Variants in RHBDD1 observed in about 807,000 individuals in gnomAD.
RHBDD1 encodes rhomboid-related protein 4.
A neutral mutation model predicts 36.3 loss-of-function variants in RHBDD1; 38 were observed. The ratio of observed to expected loss-of-function variants is 1.05; its 90% confidence interval spans 0.81 to 1.37. The LOEUF is 1.37. RHBDD1 is among the 40% of genes most tolerant of loss of function. The pLI is 0.00. For synonymous variants in RHBDD1, 151 were observed against 136.5 expected (o/e 1.11, Z -0.74); for missense variants, 393 against 377.6 (o/e 1.04, Z -0.34).
At chr2:226,833,622 T>C (rs149388576), upstream of RHBDD1, among the ~76,000 whole-genome samples, 2 of 152,350 alleles carry the variant, frequency 1.3e-5, no homozygotes, top group African/African-American at 4.8e-5. Context: ...TTATGCACAA[T>C]GTGCATAGTG....
At chr2:226,819,608 T>C in the RHBDD1 span, among the ~76,000 whole-genome samples, 2 of 152,170 alleles carry the variant, frequency 1.3e-5, no homozygotes, top group African/African-American at 4.8e-5. Context: ...TACTTTCTGT[T>C]TAATTTTGCT....
intron 5 of RHBDD1, among the ~76,000 whole-genome samples, chr2:226,869,570 C>T (rs575433477): frequency 7.0e-4 from 106 of 152,282 alleles, no homozygotes; most frequent in Non-Finnish European, 1.2e-3. Flanking sequence ...AAAAAATCTG[C>T]CAAAGCAAAC....
In RHBDD1 at chr2:226,864,859, G is replaced by A; in HGVS notation, c.166G>A (p.Val56Met). 6.2e-7 allele frequency: 1 copy of A among 1,614,204 alleles called. No individual in the cohort carries two copies. The highest frequency in any genetic ancestry group is 8.5e-7 in the Non-Finnish European group (1 of 1,180,042). Reference protein sequence around the residue: ...QKPLYSSCLSVEKCYQQKDWQ... With the variant: ...QKPLYSSCLSMEKCYQQKDWQ... ...GCCACTGTATAGCTCCTGCCTTAGT[G>A]TGGAGAAGTGTTACCAGCAAAAAGA... Residue 56 changes from valine to methionine, a missense_variant, in exon 4 of 9, where the codon GTG becomes ATG. Coordinates refer to ENST00000392062, the MANE Select transcript of RHBDD1 (RefSeq NM_001167608.3).
chr2:226,873,248 C>A (rs969075166), intron 5 of RHBDD1, among the ~76,000 whole-genome samples: 2 of 152,188 alleles, frequency 1.3e-5, no homozygotes, highest in African/African-American at 2.4e-5. Flanking sequence ...GAAATGACCA[C>A]AAACCACATA....
At chr2:226,993,303 T>G (rs1218031520) in intron 8 of RHBDD1, among the ~76,000 whole-genome samples, 3 of 152,222 alleles carry the variant, frequency 2.0e-5, no homozygotes, top group Non-Finnish European at 4.4e-5. Flanking sequence ...CCCTGTGGCC[T>G]GGAGTCAGGG....
intron 8 of RHBDD1, among the ~76,000 whole-genome samples, chr2:226,928,060 C>G (rs1949784513): frequency 6.6e-6 from 1 of 152,056 alleles, no homozygotes; most frequent in Non-Finnish European, 1.5e-5. Flanking sequence ...TTTAGGAGTT[C>G]CATGGTCTTA....
chr2:226,847,977 G>A (rs1300131924), intron 3 of RHBDD1, among the ~76,000 whole-genome samples: 2 of 152,222 alleles, frequency 1.3e-5, no homozygotes, highest in Non-Finnish European at 2.9e-5. Flanking sequence ...CCAGCCAGAT[G>A]CCTGGCCCTG....
At chr2:226,924,290 C>T (rs946103088) in intron 8 of RHBDD1, among the ~76,000 whole-genome samples, 2 of 152,092 alleles carry the variant, frequency 1.3e-5, no homozygotes, top group Non-Finnish European at 1.5e-5. Flanking sequence ...GGCCAGGGTG[C>T]GTCTAGAAAT....
chr2:226,825,409 G>T, the RHBDD1 span, among the ~76,000 whole-genome samples: 1 of 152,210 alleles, frequency 6.6e-6, no homozygotes, highest in South Asian at 2.1e-4. Context: ...ATTATCCTGT[G>T]ACCATAAGAA....
At chr2:226,941,525 C>T (rs990939318) in intron 8 of RHBDD1, among the ~76,000 whole-genome samples, 2 of 152,136 alleles carry the variant, frequency 1.3e-5, no homozygotes, top group Non-Finnish European at 2.9e-5. Flanking sequence ...TTTTGTTTTG[C>T]TATGGGAATT....
chr2:226,998,588 T>A lies in RHBDD1; in HGVS notation c.*3066T>A, dbSNP rs2149652066. The A allele has an allele frequency of 6.6e-6, 1 of 152,288 alleles. No individual in the cohort carries two copies. The highest frequency in any genetic ancestry group is 1.5e-5 in the Non-Finnish European group (1 of 68,026). The allele number at this position is 152,288 out of a possible 1,614,324, so 9.4% of individuals were successfully genotyped here. A position where few individuals can be genotyped will look rare whatever the true frequency, so the allele number is the denominator to read the frequency against. On this transcript the variant is annotated 3_prime_UTR_variant, in exon 9 of 9. Transcript: ENST00000392062. ...ATTCCCTAAGTTTCTTCTCTTTTTT[T>A]TTCATGGCTGCTAGTATTTTATTTT...
chr2:226,974,871 C>T (rs1222911718), intron 8 of RHBDD1, among the ~76,000 whole-genome samples: 1 of 152,178 alleles, frequency 6.6e-6, no homozygotes, highest in Non-Finnish European at 1.5e-5. Context: ...GTGCGTGGCT[C>T]AGGGACATCC....
chr2:226,908,856 G>A lies in RHBDD1; in HGVS notation c.690G>A (p.Arg230=). 2 of 1,605,770 alleles carry A rather than the reference G, an allele frequency of 1.2e-6. No individual in the cohort carries two copies. The highest frequency in any genetic ancestry group is 1.7e-6 in the Non-Finnish European group (2 of 1,172,538). ...CCTCCAGTGTTGGTTACCCAGGACG[G>A]CAATACTACTTTAATAGTTCAGGTA... The part of the protein sequence containing the change: ...GFSSSVGYPG[R]QYYFNSSGSS... Residue 230 remains arginine, a synonymous_variant, in exon 7 of 9, where the codon CGG becomes CGA. Coordinates refer to ENST00000392062, the MANE Select transcript of RHBDD1 (RefSeq NM_001167608.3).
intron 3 of RHBDD1, among the ~76,000 whole-genome samples, chr2:226,857,633 G>A (rs1408657642): frequency 2.6e-5 from 4 of 152,166 alleles, no homozygotes; most frequent in Non-Finnish European, 5.9e-5. Context: ...CTACAACATG[G>A]ATGAACTATG....
intron 8 of RHBDD1, among the ~76,000 whole-genome samples, chr2:226,966,034 A>G (rs1379882710): frequency 6.6e-6 from 1 of 152,186 alleles, no homozygotes; most frequent in African/African-American, 2.4e-5. Context: ...TACCATGATC[A>G]AGTAGGCATC....
chr2:226,880,511 G>A (rs79068361), intron 5 of RHBDD1, among the ~76,000 whole-genome samples: 12,823 of 152,170 alleles, frequency 0.084, 735 homozygotes, highest in Middle Eastern at 0.16. Context: ...GAGAAATTTT[G>A]AGCCAAGGGA....
intron 8 of RHBDD1, among the ~76,000 whole-genome samples, chr2:226,970,139 G>A (rs1009229241): frequency 4.6e-5 from 7 of 151,778 alleles, no homozygotes; most frequent in African/African-American, 1.7e-4. Context: ...AAAATCACAT[G>A]GCCTCCTAGG....
chr2:226,816,912 C>T, the RHBDD1 span, among the ~76,000 whole-genome samples: 3 of 139,676 alleles, frequency 2.1e-5, no homozygotes, highest in Non-Finnish European at 3.3e-5. Context: ...CACACACACA[C>T]GTCTAATACC....
chr2:226,867,256 T>C lies in RHBDD1; in HGVS notation c.504T>C (p.Phe168=), dbSNP rs1337059657. 1 of 1,613,782 alleles carries C rather than the reference T, an allele frequency of 6.2e-7. No individual in the cohort carries two copies. The highest frequency in any genetic ancestry group is 8.5e-7 in the Non-Finnish European group (1 of 1,179,892). Residue 168 remains phenylalanine (F), a synonymous_variant, in exon 5 of 9, where the codon TTT becomes TTC. Transcript: ENST00000392062. ...CPGGFVNILG[F]PVPNRFACWV... ...GAGGCTTTGTCAACATTTTGGGCTT[T>C]CCTGTACCGAACAGATTTGCTTGTT...
Sources: gnomAD v4.1 joint callset for allele counts (sites outside exome capture counted in the v4.1 genomes callset) on GRCh38, gnomAD v4.1.1 for gene constraint, MANE v1.5 for transcripts, NCBI Gene and HGNC (gene_info 2026-07-23, HGNC 2026-07-21) for gene names.